The following GPHN variants were observed in gnomAD, a reference collection of about 807,000 sequenced individuals.
GPHN encodes the protein gephyrin.
GPHN carries 17 observed loss-of-function variants against 95.5 expected under a neutral mutation model. The observed-to-expected ratio is 0.18, with a 90% CI of 0.12 to 0.27. GPHN has a LOEUF of 0.27. GPHN is among the 10% of genes least tolerant of loss of function. The probability of loss-of-function intolerance (pLI) is 1.00; values close to 1 mark genes in which losing one functional copy is unlikely to be tolerated. For missense variants in GPHN, 660 were observed against 978.1 expected (o/e 0.67, Z 4.34); for synonymous variants, 320 against 322.5 (o/e 0.99, Z 0.08).
At chr14:66,724,232 G>C (rs1438887798) in intron 2 of GPHN, among the ~76,000 whole-genome samples, 1 of 151,876 alleles carries the variant, frequency 6.6e-6, no homozygotes, top group Non-Finnish European at 1.5e-5. Flanking sequence ...ATTTGGGGAG[G>C]GTTTTTTTTT....
At chr14:66,769,578 T>G (rs1392968458) in intron 2 of GPHN, among the ~76,000 whole-genome samples, 1 of 152,196 alleles carries the variant, frequency 6.6e-6, no homozygotes, top group East Asian at 1.9e-4. Context: ...CATGTGGTAT[T>G]TGGCTTTCTG....
chr14:67,590,249 ATTT>A, the GPHN span: 16,271 of 722,610 alleles, frequency 0.023, no homozygotes, highest in South Asian at 0.035. Context: ...CCACTTGCAA[ATTT>A]TTTTTTTTTT....
At chr14:67,723,123 G>C in the GPHN span, among the ~76,000 whole-genome samples, 1 of 152,172 alleles carries the variant, frequency 6.6e-6, no homozygotes, top group Non-Finnish European at 1.5e-5. Context: ...AGGTAGTTTG[G>C]GAAAGAAACA....
the GPHN span, among the ~76,000 whole-genome samples, chr14:67,322,787 A>G: frequency 6.6e-6 from 1 of 152,208 alleles, no homozygotes; most frequent in Non-Finnish European, 1.5e-5. Context: ...TGTTTTAATC[A>G]TCTTAATGTT....
the GPHN span, chr14:67,386,943 T>C: frequency 1.9e-5 from 3 of 155,244 alleles, no homozygotes; most frequent in Admixed American, 6.5e-5. Context: ...TAGAAACAAA[T>C]TGTCAGCTTT....
the GPHN span, among the ~76,000 whole-genome samples, chr14:67,321,701 G>A: frequency 1.8e-4 from 27 of 152,150 alleles, no homozygotes; most frequent in East Asian, 3.5e-3. Context: ...ACTATGACCC[G>A]TCACATGAGG....
At chr14:67,685,066 A>G in the GPHN span, 1 of 1,614,222 alleles carries the variant, frequency 6.2e-7, no homozygotes. Context: ...GGCACAGTGC[A>G]GGCTGGTCTG....
chr14:67,341,534 G>A, the GPHN span, among the ~76,000 whole-genome samples: 1 of 150,330 alleles, frequency 6.7e-6, no homozygotes, highest in African/African-American at 2.5e-5. Context: ...CCCCCCGCCT[G>A]GCCAGCCGCC....
chr14:66,821,055 T>C (rs1419676193), intron 3 of GPHN, among the ~76,000 whole-genome samples: 1 of 152,210 alleles, frequency 6.6e-6, no homozygotes, highest in African/African-American at 2.4e-5. Flanking sequence ...ATAAGTTGCT[T>C]TCATGAAAAA....
At chr14:66,690,958 T>G (rs766400561) in intron 2 of GPHN, among the ~76,000 whole-genome samples, 2 of 152,190 alleles carry the variant, frequency 1.3e-5, no homozygotes, top group Non-Finnish European at 2.9e-5. Flanking sequence ...TTGGTCTGTA[T>G]TATTCGAACT....
chr14:67,258,862 G>C, the GPHN span, among the ~76,000 whole-genome samples: 1 of 151,944 alleles, frequency 6.6e-6, no homozygotes, highest in Non-Finnish European at 1.5e-5. Context: ...CTTCTTTTGA[G>C]ATGGAGTCTC....
At chr14:67,722,655 T>C in the GPHN span, 1 of 1,613,912 alleles carries the variant, frequency 6.2e-7, no homozygotes, top group South Asian at 1.1e-5. Flanking sequence ...GCTGGTCACC[T>C]TGGGACTGCT....
the GPHN span, among the ~76,000 whole-genome samples, chr14:67,282,691 T>TA: frequency 6.6e-6 from 1 of 151,250 alleles, no homozygotes; most frequent in Non-Finnish European, 1.5e-5. Context: ...TTATAAATGG[T>TA]AAAAAATTTG....
chr14:66,658,431 G>A (rs1044545115), intron 1 of GPHN, among the ~76,000 whole-genome samples: 6 of 152,132 alleles, frequency 3.9e-5, no homozygotes, highest in Non-Finnish European at 7.4e-5. Context: ...AAAAAATTCT[G>A]TGAATAAAAT....
chr14:66,894,942 C>T (rs1882667921), intron 5 of GPHN, among the ~76,000 whole-genome samples: 1 of 152,198 alleles, frequency 6.6e-6, no homozygotes, highest in African/African-American at 2.4e-5. Context: ...CTGTGGAAGA[C>T]AGTGTGTCGA....
intron 4 of GPHN, among the ~76,000 whole-genome samples, chr14:66,859,322 C>CATTTG (rs1250431969): frequency 1.3e-5 from 2 of 152,150 alleles, no homozygotes; most frequent in Admixed American, 1.3e-4. Flanking sequence ...AGAGAGACTC[C>CATTTG]ATTTGTTTGG....
chr14:67,501,461 C>T, the GPHN span, among the ~76,000 whole-genome samples: 1 of 152,120 alleles, frequency 6.6e-6, no homozygotes, highest in Non-Finnish European at 1.5e-5. Flanking sequence ...ACCTCCTGGG[C>T]TCAAGTGATC....
chr14:67,332,630 C>T, the GPHN span: 7 of 686,384 alleles, frequency 1.0e-5, no homozygotes, highest in South Asian at 2.3e-5. Context: ...CCATTGTGGC[C>T]GTGACAGGGT....
At chr14:67,014,799 A>G (rs1347542012) in intron 9 of GPHN, among the ~76,000 whole-genome samples, 1 of 152,200 alleles carries the variant, frequency 6.6e-6, no homozygotes, top group Admixed American at 6.5e-5. Flanking sequence ...GCTTTATAAT[A>G]CATTATATAA....
Sources: gnomAD v4.1 joint callset for allele counts (sites outside exome capture counted in the v4.1 genomes callset) on GRCh38, gnomAD v4.1.1 for gene constraint, MANE v1.5 for transcripts, NCBI Gene and HGNC (gene_info 2026-07-23, HGNC 2026-07-21) for gene names.